Variants in UBE2U observed in about 807,000 individuals in gnomAD.
UBE2U encodes the protein ubiquitin-conjugating enzyme E2 U.
A neutral mutation model predicts 41.2 loss-of-function variants in UBE2U; 39 were observed. The ratio of observed to expected loss-of-function variants is 0.95; its 90% confidence interval spans 0.73 to 1.24. The LOEUF is 1.24. Ranked by LOEUF, UBE2U falls within the 50% of genes most tolerant of loss-of-function variation. The pLI, the probability that UBE2U is intolerant of heterozygous loss-of-function variation, is 0.00. For synonymous variants in UBE2U, 107 were observed against 117.8 expected (o/e 0.91, Z 0.60); for missense variants, 336 against 363.1 (o/e 0.93, Z 0.61).
intron 3 of UBE2U, among the ~76,000 whole-genome samples, chr1:64,207,414 G>A (rs1295501125): frequency 6.6e-6 from 1 of 152,186 alleles, no homozygotes; most frequent in Non-Finnish European, 1.5e-5. Context: ...AAAATGCTGG[G>A]ATTACAGCTG....
At chr1:64,261,211 C>T (rs1227787255) in intron 9 of UBE2U, among the ~76,000 whole-genome samples, 1 of 152,106 alleles carries the variant, frequency 6.6e-6, no homozygotes, top group African/African-American at 2.4e-5. Flanking sequence ...GAAAGCATGA[C>T]ATTTGGGGAT....
At chr1:64,238,019 G>A (rs1644701781) in intron 7 of UBE2U, among the ~76,000 whole-genome samples, 1 of 152,174 alleles carries the variant, frequency 6.6e-6, no homozygotes, top group African/African-American at 2.4e-5. Context: ...CCAATGAGAA[G>A]ACATTACTCA....
chr1:64,205,324 T>C (rs1423534795), intron 1 of UBE2U, among the ~76,000 whole-genome samples: 3 of 152,338 alleles, frequency 2.0e-5, no homozygotes, highest in South Asian at 2.1e-4. Flanking sequence ...CTTTTAAAAT[T>C]TGAATATTAA....
At chr1:64,233,713 C>G (rs1386512178) in intron 7 of UBE2U, among the ~76,000 whole-genome samples, 1 of 152,196 alleles carries the variant, frequency 6.6e-6, no homozygotes, top group Non-Finnish European at 1.5e-5. Context: ...ATTGAGAGAG[C>G]TGGACAACTT....
intron 4 of UBE2U, among the ~76,000 whole-genome samples, chr1:64,214,205 T>C (rs1651835973): frequency 6.6e-6 from 1 of 152,238 alleles, no homozygotes; most frequent in African/African-American, 2.4e-5. Flanking sequence ...AAATGTCCAA[T>C]ATATCTCACC....
intron 8 of UBE2U, among the ~76,000 whole-genome samples, chr1:64,246,902 C>CT (rs1644930046): frequency 1.3e-5 from 2 of 152,238 alleles, no homozygotes; most frequent in African/African-American, 4.8e-5. Flanking sequence ...ACAAGCCACG[C>CT]TTTTTTCCTT....
chr1:64,250,726 T>C (rs1282537311), intron 8 of UBE2U, among the ~76,000 whole-genome samples: 1 of 152,028 alleles, frequency 6.6e-6, no homozygotes, highest in Non-Finnish European at 1.5e-5. Flanking sequence ...TGGAATACTA[T>C]GCAGCCATAA....
intron 8 of UBE2U, among the ~76,000 whole-genome samples, chr1:64,248,268 G>A (rs1644953421): frequency 1.3e-5 from 2 of 152,000 alleles, no homozygotes; most frequent in Non-Finnish European, 2.9e-5. Flanking sequence ...TACGATACAT[G>A]GGTTGGCTTA....
intron 8 of UBE2U, among the ~76,000 whole-genome samples, chr1:64,250,506 C>G (rs888167640): frequency 6.6e-6 from 1 of 152,052 alleles, no homozygotes; most frequent in Non-Finnish European, 1.5e-5. Context: ...AGACAGTATA[C>G]GAAAACTACA....
At chr1:64,239,158 A>AGAAGAAGGAGAAGG (rs1313257578) in intron 7 of UBE2U, among the ~76,000 whole-genome samples, 1 of 12,456 alleles carries the variant, frequency 8.0e-5, no homozygotes, top group African/African-American at 1.6e-4. Context: ...AAGAAGAAGA[A>AGAAGAAGGAGAAGG]AGAAGAAGAA....
chr1:64,233,553 A>T (rs1472516769), intron 7 of UBE2U, among the ~76,000 whole-genome samples: 1 of 152,216 alleles, frequency 6.6e-6, no homozygotes, highest in African/African-American at 2.4e-5. Context: ...CTTTCACACC[A>T]GAGAGAACCT....
intron 6 of UBE2U, among the ~76,000 whole-genome samples, chr1:64,224,489 G>A (rs1652715442): frequency 6.6e-6 from 1 of 152,140 alleles, no homozygotes; most frequent in Admixed American, 6.5e-5. Context: ...CTGGGAGGCC[G>A]AGGCGGGTGG....
At chr1:64,258,257 T>C (rs1251857005) in intron 8 of UBE2U, among the ~76,000 whole-genome samples, 1 of 152,226 alleles carries the variant, frequency 6.6e-6, no homozygotes, top group African/African-American at 2.4e-5. Flanking sequence ...GTTCAATGAA[T>C]ATTTATTAAA....
intron 8 of UBE2U, among the ~76,000 whole-genome samples, chr1:64,244,659 CT>C (rs1330115276): frequency 6.6e-6 from 1 of 152,084 alleles, no homozygotes; most frequent in Non-Finnish European, 1.5e-5. Flanking sequence ...GCCCAAATGT[CT>C]TTTTGTAGAG....
chr1:64,218,126 G>A (rs988260180), intron 5 of UBE2U, among the ~76,000 whole-genome samples: 1 of 152,088 alleles, frequency 6.6e-6, no homozygotes, highest in Non-Finnish European at 1.5e-5. Context: ...GGTGTCGGGG[G>A]AACACAAAAT....
chr1:64,218,394 G>A (rs765492932), intron 5 of UBE2U, among the ~76,000 whole-genome samples: 10 of 152,098 alleles, frequency 6.6e-5, no homozygotes, highest in African/African-American at 1.2e-4. Flanking sequence ...TTTCTAAGTT[G>A]CTAGTTTTAA....
At chr1:64,248,284 T>C (rs1296970592) in intron 8 of UBE2U, among the ~76,000 whole-genome samples, 1 of 152,268 alleles carries the variant, frequency 6.6e-6, no homozygotes, top group East Asian at 1.9e-4. Context: ...GCTTAGGTCC[T>C]GCTCAGGTTC....
chr1:64,222,665 T>G (rs763671155), intron 6 of UBE2U, among the ~76,000 whole-genome samples: 4 of 152,250 alleles, frequency 2.6e-5, no homozygotes, highest in East Asian at 1.9e-4. Flanking sequence ...CCTGGTACAG[T>G]TGCTCTGAAA....
At chr1:64,247,402 A>C (rs188402442) in intron 8 of UBE2U, among the ~76,000 whole-genome samples, 1 of 152,248 alleles carries the variant, frequency 6.6e-6, no homozygotes, top group African/African-American at 2.4e-5. Context: ...ATGTTCCCCA[A>C]ATCTTATGTT....
Sources: gnomAD v4.1 joint callset for allele counts (sites outside exome capture counted in the v4.1 genomes callset) on GRCh38, gnomAD v4.1.1 for gene constraint, MANE v1.5 for transcripts, NCBI Gene and HGNC (gene_info 2026-07-23, HGNC 2026-07-21) for gene names.